Variants in POMK observed in about 807,000 individuals in gnomAD.
POMK encodes the protein protein O-mannose kinase.
Under a neutral mutation model 23.0 loss-of-function variants are expected in POMK, and 19 were observed. The ratio of observed to expected loss-of-function variants is 0.83; its 90% CI spans 0.58 to 1.21. POMK has a LOEUF of 1.21. Ranked by LOEUF, POMK falls within the 50% of genes most tolerant of loss-of-function variation. The pLI, the probability that POMK is intolerant of heterozygous loss-of-function variation, is 0.00. For synonymous variants in POMK, 173 were observed against 171.6 expected (o/e 1.01, Z -0.06); for missense variants, 410 against 431.3 (o/e 0.95, Z 0.44).
At chr8:43,102,049 C>T (rs1246761636) in intron 2 of POMK, among the ~76,000 whole-genome samples, 2 of 152,180 alleles carry the variant, frequency 1.3e-5, no homozygotes, top group Non-Finnish European at 2.9e-5. Flanking sequence ...TGGGATGCTT[C>T]CTCCAGGGAG....
At chr8:43,117,343 T>C (rs1308113898) in intron 4 of POMK, among the ~76,000 whole-genome samples, 1 of 152,180 alleles carries the variant, frequency 6.6e-6, no homozygotes. Context: ...AAAAAATACA[T>C]TTACTGTTAA....
Position 43,123,003 on chromosome 8 carries a change from G to A in POMK, c.*126G>A, listed in dbSNP as rs1262027019. On this transcript the variant is annotated 3_prime_UTR_variant, in exon 5 of 5. Transcript: ENST00000331373. ...GTTTTTTTTATGGCTTAGCCATGTGGTTCGTTGTCCACATCCACATGTACG... is the reference window on the plus strand; with the variant it reads ...GTTTTTTTTATGGCTTAGCCATGTGATTCGTTGTCCACATCCACATGTACG... 2 of 830,672 alleles carry A rather than the reference G, an allele frequency of 2.4e-6. No individual in the cohort carries two copies. Among genetic ancestry groups the A allele is most frequent in the Non-Finnish European group, 1.9e-6 (1 of 537,226 alleles). 51.5% of individuals were successfully genotyped at this position (830,672 alleles called of 1,614,324 possible).
chr8:43,121,440 G>A (rs1811913960), intron 4 of POMK, among the ~76,000 whole-genome samples: 1 of 152,182 alleles, frequency 6.6e-6, no homozygotes, highest in Non-Finnish European at 1.5e-5. Flanking sequence ...TGTTTATGTA[G>A]CATTTCAGCT....
intron 3 of POMK, 35 bp from the exon 4 acceptor site, chr8:43,103,493 A>C: frequency 6.3e-7 from 1 of 1,592,708 alleles, no homozygotes; most frequent in Middle Eastern, 1.7e-4. Flanking sequence ...GTGAAAGCTG[A>C]CTGTCATGAC....
intron 4 of POMK, among the ~76,000 whole-genome samples, chr8:43,107,061 T>G (rs888882745): frequency 1.3e-5 from 2 of 152,184 alleles, no homozygotes; most frequent in South Asian, 4.1e-4. Flanking sequence ...CTTTATAGTT[T>G]TAGTACAGCA....
intron 4 of POMK, among the ~76,000 whole-genome samples, chr8:43,107,294 A>C (rs1376714958): frequency 1.3e-5 from 2 of 152,248 alleles, no homozygotes; most frequent in Non-Finnish European, 2.9e-5. Flanking sequence ...TATTAAAACA[A>C]ATCACGATAG....
chr8:43,096,921 T>C (rs554368404), intron 1 of POMK, among the ~76,000 whole-genome samples: 1 of 152,272 alleles, frequency 6.6e-6, no homozygotes, highest in African/African-American at 2.4e-5. Context: ...CTTGAAAACA[T>C]ATGTATGATT....
chr8:43,107,905 A>G (rs1021617153), intron 4 of POMK, among the ~76,000 whole-genome samples: 9 of 150,464 alleles, frequency 6.0e-5, no homozygotes, highest in Non-Finnish European at 1.3e-4. Context: ...CTGGTCTTGA[A>G]CTCCTGAGCT....
At chr8:43,103,389 T>C (rs1811481375) in intron 3 of POMK, 139 bp from the exon 4 acceptor site, 1 of 756,872 alleles carries the variant, frequency 1.3e-6, no homozygotes, top group Non-Finnish European at 2.2e-6. Context: ...AAGCCTGGTG[T>C]TCGATACCTG....
chr8:43,122,934 CT>C lies in POMK; in HGVS notation c.*58del. The C allele has an allele frequency of 6.9e-7, 1 of 1,455,648 alleles. No homozygotes were observed. The highest frequency in any genetic ancestry group is 9.2e-7 in the Non-Finnish European group (1 of 1,082,574). The allele number at this position is 1,455,648 out of a possible 1,614,324, so 90.2% of individuals were successfully genotyped here. On this transcript the variant is annotated 3_prime_UTR_variant, in exon 5 of 5. Transcript: ENST00000331373. ...AGGGCTGAATGGAAGTTACAGCATT[CT>C]ACTCTGATGGTGGAGTTTTTTGCCT...
chr8:43,122,606 C>T lies in POMK; in HGVS notation c.782C>T (p.Pro261Leu). 6.2e-7 allele frequency: 1 copy of T among 1,614,144 alleles called. No individual in the cohort carries two copies. Among genetic ancestry groups the T allele is most frequent in the Non-Finnish European group, 8.5e-7 (1 of 1,180,028 alleles). Reference sequence around the variant, plus strand: ...TTCGTGGCTCCAGAGCAACTGTGGCCCTATGGAGAGGACGTGCCTTTCCAC... The same window carrying T: ...TTCGTGGCTCCAGAGCAACTGTGGCTCTATGGAGAGGACGTGCCTTTCCAC... Reference protein sequence around the residue: ...GDFVAPEQLWPYGEDVPFHDD... With the variant: ...GDFVAPEQLWLYGEDVPFHDD... Residue 261 changes from proline to leucine, a missense_variant, in exon 5 of 5, where the codon CCC becomes CTC. Transcript: ENST00000331373.
chr8:43,109,331 C>T (rs1811602950), intron 4 of POMK, among the ~76,000 whole-genome samples: 2 of 151,812 alleles, frequency 1.3e-5, no homozygotes, highest in African/African-American at 2.4e-5. Context: ...TGCCTCCTCT[C>T]TCTCCCCTCC....
intron 4 of POMK, among the ~76,000 whole-genome samples, chr8:43,114,298 G>T (rs920383519): frequency 6.6e-6 from 1 of 152,200 alleles, no homozygotes; most frequent in African/African-American, 2.4e-5. Flanking sequence ...GTTTACCTAA[G>T]CAAGCCTGAG....
chr8:43,122,631 C>T lies in POMK; in HGVS notation c.807C>T (p.His269=), dbSNP rs754174652. Residue 269 remains histidine (H), a synonymous_variant, in exon 5 of 5, where the codon CAC becomes CAT. Coordinates refer to ENST00000331373, the MANE Select transcript of POMK (RefSeq NM_032237.5). The stretch of plus-strand genomic sequence containing the variant: ...CCTATGGAGAGGACGTGCCTTTCCA[C>T]GATGATCTCATGCCCTCATATGATG... ...LWPYGEDVPF[H]DDLMPSYDEK... 62 of 1,614,016 alleles carry T rather than the reference C, an allele frequency of 3.8e-5. No individual in the cohort carries two copies. The highest frequency in any genetic ancestry group is 7.7e-5 in the South Asian group (7 of 91,080).
intron 2 of POMK, among the ~76,000 whole-genome samples, chr8:43,101,672 G>C (rs1022868350): frequency 8.5e-5 from 13 of 152,172 alleles, no homozygotes; most frequent in Non-Finnish European, 1.3e-4. Context: ...GGTTGCTTCT[G>C]TGTGTCAGAG....
chr8:43,103,397 C>G, intron 3 of POMK, 131 bp from the exon 4 acceptor site: 2 of 807,274 alleles, frequency 2.5e-6, no homozygotes, highest in Non-Finnish European at 4.1e-6. Flanking sequence ...TGTTCGATAC[C>G]TGCTTTAATC....
chr8:43,122,335 A>T lies in POMK; in HGVS notation c.511A>T (p.Asn171Tyr). 5 of 1,614,186 alleles carry T rather than the reference A, an allele frequency of 3.1e-6. No homozygotes were observed. The highest frequency in any genetic ancestry group is 4.2e-6 in the Non-Finnish European group (5 of 1,180,046). ...EETLNLSKYQ[N>Y]VNTWQHRLEL... is the part of the protein sequence containing the mutation. Reference sequence around the variant, plus strand: ...AACACTAAACCTTTCAAAGTACCAAAATGTGAACACGTGGCAGCACAGGCT... The same window carrying T: ...AACACTAAACCTTTCAAAGTACCAATATGTGAACACGTGGCAGCACAGGCT... The change falls in exon 5 of 5, where the codon AAT (asparagine) becomes TAT (tyrosine). Residue 171 changes from asparagine to tyrosine, a missense_variant. Asn to Tyr is a moderately radical substitution (Grantham distance 143, BLOSUM62 -2). Coordinates refer to ENST00000331373, the MANE Select transcript of POMK (RefSeq NM_032237.5).
intron 4 of POMK, among the ~76,000 whole-genome samples, chr8:43,112,843 A>C (rs1009403560): frequency 1.3e-5 from 2 of 152,284 alleles, no homozygotes; most frequent in East Asian, 3.9e-4. Context: ...GAAATAAAAT[A>C]CTTTACAGAC....
intron 4 of POMK, among the ~76,000 whole-genome samples, chr8:43,116,645 G>A (rs1262226455): frequency 6.6e-6 from 1 of 152,144 alleles, no homozygotes; most frequent in Non-Finnish European, 1.5e-5. Flanking sequence ...TGAACAATGT[G>A]GAGATTAGGG....
Sources: gnomAD v4.1 joint callset for allele counts (sites outside exome capture counted in the v4.1 genomes callset) on GRCh38, gnomAD v4.1.1 for gene constraint, MANE v1.5 for transcripts, NCBI Gene and HGNC (gene_info 2026-07-23, HGNC 2026-07-21) for gene names.